Variants in LRP5 observed in about 807,000 individuals in gnomAD.
The protein encoded by LRP5 is low-density lipoprotein receptor-related protein 5.
A neutral mutation model predicts 154.1 loss-of-function variants in LRP5; 62 were observed. That is an observed-to-expected ratio of 0.40 (90% CI 0.33 to 0.50). The LOEUF is 0.50. Among genes scored for constraint, LRP5 ranks in the 20% least tolerant of loss-of-function variants. The pLI is 0.55. For missense variants in LRP5, 1,915 were observed against 2,336.7 expected (o/e 0.82, Z 3.72); for synonymous variants, 966 against 1,011.5 (o/e 0.96, Z 0.85).
chr11:68,302,673 C>G, the LRP5 span, among the ~76,000 whole-genome samples: 1 of 152,314 alleles, frequency 6.6e-6, no homozygotes, highest in East Asian at 1.9e-4. Context: ...TTGTTCATCT[C>G]AGGCCTGGCA....
intron 1 of LRP5, among the ~76,000 whole-genome samples, chr11:68,331,042 G>T (rs1006713118): frequency 3.3e-5 from 5 of 152,248 alleles, no homozygotes; most frequent in African/African-American, 1.2e-4. Flanking sequence ...CTGTGATCAG[G>T]CGCAGTTGGG....
chr11:68,395,490 C>T (rs956416712), intron 7 of LRP5, among the ~76,000 whole-genome samples: 36 of 151,888 alleles, frequency 2.4e-4, no homozygotes, highest in African/African-American at 8.0e-4. Flanking sequence ...AGTGATGGCG[C>T]AGGGCACGGG....
chr11:68,394,026 C>T (rs527566813), intron 7 of LRP5, among the ~76,000 whole-genome samples: 2 of 152,210 alleles, frequency 1.3e-5, no homozygotes, highest in African/African-American at 4.8e-5. Flanking sequence ...GTCTCTGAGC[C>T]GTCTGACCCC....
rs1167709918 is a variant in LRP5, at chr11:68,386,729, C to G, written c.1412+17C>G. ...CGTGATGGGGTAAGACGGGCGGGGGCTGGGGCCTGGAGCCAGGGCCAGGCC... is the reference window on the plus strand; with the variant it reads ...CGTGATGGGGTAAGACGGGCGGGGGGTGGGGCCTGGAGCCAGGGCCAGGCC... On this transcript the variant is annotated intron_variant, in intron 6 of 22. Transcript: ENST00000294304. This position sits in a 1 kb window ranked among gnomAD's most constrained non-coding sequence, Gnocchi z 7.9. 9.3e-6 allele frequency: 15 copies of G among 1,607,902 alleles called. No individual in the cohort carries two copies. The highest frequency in any genetic ancestry group is 1.7e-5 in the Admixed American group (1 of 59,702).
At chr11:68,446,733 G>A (rs2098681629) in intron 22 of LRP5, among the ~76,000 whole-genome samples, 200 bp downstream of exon 22, 1 of 152,218 alleles carries the variant, frequency 6.6e-6, no homozygotes, top group African/African-American at 2.4e-5. Flanking sequence ...TGCATGTTGG[G>A]TTCAGAAATC....
chr11:68,431,400 C>T (rs566713797), intron 17 of LRP5, among the ~76,000 whole-genome samples: 23 of 152,056 alleles, frequency 1.5e-4, no homozygotes, highest in African/African-American at 4.6e-4. Context: ...CCACCACGCC[C>T]GGCTAATTTT....
At chr11:68,404,260 C>T (rs2098654282) in intron 8 of LRP5, 3 of 523,174 alleles carry the variant, frequency 5.7e-6, no homozygotes, top group African/African-American at 1.9e-5. Flanking sequence ...CATCCAGGTG[C>T]GGCAGGGACA....
chr11:68,444,320 G>C (rs1399821780), intron 21 of LRP5, among the ~76,000 whole-genome samples: 1 of 152,080 alleles, frequency 6.6e-6, no homozygotes, highest in Non-Finnish European at 1.5e-5. Context: ...TTCGAGACCA[G>C]CCTGGCCAAC....
intron 5 of LRP5, among the ~76,000 whole-genome samples, chr11:68,378,181 A>G (rs2098638419): frequency 6.6e-6 from 1 of 151,794 alleles, no homozygotes; most frequent in Admixed American, 6.6e-5. Context: ...TTGTGAAAAA[A>G]CCTGTTTTCC....
chr11:68,402,180 CTT>C (rs1326881817), intron 7 of LRP5, among the ~76,000 whole-genome samples: 1 of 152,196 alleles, frequency 6.6e-6, no homozygotes, highest in Non-Finnish European at 1.5e-5. Context: ...CCTTGTGTCT[CTT>C]TCATCCTGTC....
At chr11:68,435,700 TATGCC>T (rs1024205021) in intron 18 of LRP5, among the ~76,000 whole-genome samples, 12 of 152,162 alleles carry the variant, frequency 7.9e-5, no homozygotes, top group African/African-American at 2.7e-4. Context: ...TATGCTATGC[TATGCC>T]ATGCCATGCC....
At position 68,445,002 on chromosome 11, in the gene LRP5, TGGCCACTCCCCAGA is replaced by T. The variant is rs1329328224; in HGVS notation, c.4489-1430_4489-1417del. On this transcript the variant is annotated intron_variant, in intron 21 of 22. Coordinates refer to ENST00000294304, the MANE Select transcript of LRP5 (RefSeq NM_002335.4). ...CTTCCTAAAGGGCAGGGGAAGGGCC[TGGCCACTCCCCAGA>T]GGCTACTCACCAGCCATCAGGATAG... is the stretch of plus-strand genomic sequence containing the variant. Among the ~76,000 whole-genome samples the T allele has an allele frequency of 7.2e-5, 11 of 152,262 alleles. No individual in the cohort carries two copies. In the East Asian group the frequency reaches 1.7e-3, roughly 24 times the overall value.
At chr11:68,315,452 A>G (rs538022877) in intron 1 of LRP5, among the ~76,000 whole-genome samples, 2 of 152,366 alleles carry the variant, frequency 1.3e-5, no homozygotes, top group Admixed American at 1.3e-4. Flanking sequence ...CCCTGCGCCC[A>G]GGGTCTGATT....
At chr11:68,312,271 A>T (rs898339508), upstream of LRP5, among the ~76,000 whole-genome samples, 3 of 152,142 alleles carry the variant, frequency 2.0e-5, no homozygotes, top group South Asian at 6.2e-4. Flanking sequence ...GCCCTTGGGC[A>T]ACCCCGCCCT....
intron 1 of LRP5, among the ~76,000 whole-genome samples, chr11:68,319,206 T>C (rs1444554943): frequency 1.3e-5 from 2 of 151,416 alleles, no homozygotes; most frequent in Non-Finnish European, 2.9e-5. Context: ...TAGCTGGGAC[T>C]ACAGGCATCT....
chr11:68,332,404 AGCCCTGCTCTGCACCGG>A (rs1041794564), intron 1 of LRP5, among the ~76,000 whole-genome samples: 13 of 152,324 alleles, frequency 8.5e-5, no homozygotes, highest in African/African-American at 2.9e-4. Flanking sequence ...CTCTGCAGGC[AGCCCTGCTCTGCACCGG>A]GCCCTGCTCT....
intron 5 of LRP5, among the ~76,000 whole-genome samples, chr11:68,369,010 G>A (rs1431387391): frequency 6.6e-6 from 1 of 152,028 alleles, no homozygotes; most frequent in Non-Finnish European, 1.5e-5. Flanking sequence ...GCTAATTTTT[G>A]TATGTTTAGT....
At chr11:68,308,801 T>C (rs189784917), upstream of LRP5, among the ~76,000 whole-genome samples, 2 of 145,902 alleles carry the variant, frequency 1.4e-5, no homozygotes, top group Admixed American at 1.4e-4. Context: ...CAGGCTGGAG[T>C]GTAGTGGCGT....
intron 1 of LRP5, among the ~76,000 whole-genome samples, chr11:68,342,496 C>G (rs1025071089): frequency 6.6e-6 from 1 of 152,232 alleles, no homozygotes; most frequent in African/African-American, 2.4e-5. Context: ...CCACACAGAG[C>G]TCTCCCATTT....
Sources: allele counts gnomAD v4.1 joint callset (sites outside exome capture counted in the v4.1 genomes callset), GRCh38; gene constraint gnomAD v4.1.1; non-coding constraint Gnocchi (gnomAD v3.1); transcripts MANE v1.5; gene names NCBI Gene and HGNC (gene_info 2026-07-23, HGNC 2026-07-21).